CPEB3: variants seen among roughly 807,000 people sequenced by gnomAD.
CPEB3 encodes cytoplasmic polyadenylation element binding protein 3, also known as cytoplasmic polyadenylation element-binding protein 3.
A neutral mutation model predicts 67.2 loss-of-function variants in CPEB3; 20 were observed. That is an observed-to-expected ratio of 0.30 (90% confidence interval 0.21 to 0.43). The LOEUF is 0.43. Among genes scored for constraint, CPEB3 ranks in the 20% least tolerant of loss-of-function variants. The probability of loss-of-function intolerance (pLI) is 1.00; values close to 1 mark genes in which losing one functional copy is unlikely to be tolerated. For synonymous variants in CPEB3, 376 were observed against 393.1 expected, an observed-to-expected ratio of 0.96 and a Z score of 0.51; for missense variants, 746 against 968.6, an observed-to-expected ratio of 0.77 and a Z score of 3.05.
intron 2 of CPEB3, among the ~76,000 whole-genome samples, chr10:92,207,541 C>T (rs184091790): frequency 1.2e-4 from 18 of 152,116 alleles, no homozygotes; most frequent in Admixed American, 9.2e-4. Flanking sequence ...TAGGCTTTTG[C>T]GAGGAAGAAA....
chr10:92,236,411 T>C (rs1409558323), intron 2 of CPEB3, among the ~76,000 whole-genome samples: 1 of 152,140 alleles, frequency 6.6e-6, no homozygotes, highest in African/African-American at 2.4e-5. Context: ...TAAACTTTAT[T>C]AGAATAAAGA....
chr10:92,254,229 T>TAAA (rs61680875), intron 1 of CPEB3, among the ~76,000 whole-genome samples: 1 of 144,530 alleles, frequency 6.9e-6, no homozygotes, highest in African/African-American at 2.5e-5. Context: ...ACCCTGCCTT[T>TAAA]AAAAAAAAAA....
chr10:92,185,751 A>G (rs1232246177), intron 3 of CPEB3, among the ~76,000 whole-genome samples: 1 of 152,192 alleles, frequency 6.6e-6, no homozygotes, highest in African/African-American at 2.4e-5. Flanking sequence ...TAAAATGCAT[A>G]TTCTACTGGG....
At position 92,239,967 on chromosome 10, in the gene CPEB3, G is replaced by A. The variant is rs1192106953; in HGVS notation, c.384C>T (p.Thr128=). ...GGAAGAGCATGGTCCCGTTGACTGG[G>A]GTGATCCCCTGGAAGAAGCTGTCCT... The part of the protein sequence containing the change: ...AVEDSFFQGI[T]PVNGTMLFQN... Residue 128 remains threonine, a synonymous_variant, in exon 2 of 10, where the codon ACC becomes ACT. Transcript: ENST00000265997. The surrounding 1 kb of genome is among the most constrained non-coding windows in gnomAD (Gnocchi z 6.0). The A allele has an allele frequency of 1.2e-6, 2 of 1,613,248 alleles. No individual in the cohort carries two copies. Among genetic ancestry groups the A allele is most frequent in the South Asian group, 2.2e-5 (2 of 90,864 alleles).
chr10:92,145,485 C>T (rs541378826), intron 4 of CPEB3, among the ~76,000 whole-genome samples: 2 of 152,078 alleles, frequency 1.3e-5, no homozygotes, highest in Admixed American at 6.5e-5. Flanking sequence ...AAAAATTAGC[C>T]GGACATGGTG....
rs542001551 is a variant in CPEB3, at chr10:92,270,829, C to CA, written c.-12+20096dup. On this transcript the variant is annotated intron_variant, in intron 1 of 9. Coordinates refer to ENST00000265997, the MANE Select transcript of CPEB3 (RefSeq NM_014912.5). The stretch of plus-strand genomic sequence containing the variant: ...AAGTGATTCGCCCATCTTGGCCTTC[C>CA]AAGGTACTGGGATTACAGGCGTGCA... Among the ~76,000 whole-genome samples, 555 of 152,066 alleles carry CA rather than the reference C, an allele frequency of 3.6e-3. 3 individuals are homozygous for CA. The highest frequency in any genetic ancestry group is 0.01 in the Middle Eastern group (3 of 294).
chr10:92,072,676 G>T, intron 9 of CPEB3, among the ~76,000 whole-genome samples: 1 of 152,178 alleles, frequency 6.6e-6, no homozygotes, highest in East Asian at 1.9e-4. Context: ...TTGTTTGTTT[G>T]TTTGTTTTGT....
chr10:92,234,382 C>A lies in CPEB3; in HGVS notation c.1005+4964G>T, dbSNP rs1416468674. ...CTTCATGGTGGCATACTTACAGTCA[C>A]TGTATTTTTTTCTTTCTGCATTTCT... On this transcript the variant is annotated intron_variant, in intron 2 of 9. Coordinates refer to ENST00000265997, the MANE Select transcript of CPEB3 (RefSeq NM_014912.5). Among the ~76,000 whole-genome samples the A allele has an allele frequency of 2.0e-5, 3 of 152,166 alleles. 1 individual carries two copies. In the East Asian group the frequency reaches 5.8e-4, roughly 29 times the overall value.
chr10:92,138,672 G>A (rs1846237035), intron 6 of CPEB3, among the ~76,000 whole-genome samples: 1 of 152,102 alleles, frequency 6.6e-6, no homozygotes, highest in African/African-American at 2.4e-5. Flanking sequence ...AGTTAAAATG[G>A]TTTTTATCCA....
At chr10:92,216,910 G>A in intron 2 of CPEB3, 8 of 872,094 alleles carry the variant, frequency 9.2e-6, no homozygotes, top group South Asian at 1.5e-5. Flanking sequence ...CCCAAGGCAC[G>A]CCTTCTTACC....
At chr10:92,123,571 T>G (rs147093049) in intron 6 of CPEB3, among the ~76,000 whole-genome samples, 26 of 152,324 alleles carry the variant, frequency 1.7e-4, no homozygotes, top group Middle Eastern at 3.4e-3. Flanking sequence ...TAAATGCTGA[T>G]GCCCACATCT....
chr10:92,151,482 C>T (rs779422783), intron 4 of CPEB3, among the ~76,000 whole-genome samples: 21 of 152,148 alleles, frequency 1.4e-4, no homozygotes, highest in Admixed American at 3.3e-4. Flanking sequence ...AAAAACATTT[C>T]ACTTATGGTC....
intron 2 of CPEB3, among the ~76,000 whole-genome samples, chr10:92,197,981 C>T (rs1849321353): frequency 6.6e-6 from 1 of 152,172 alleles, no homozygotes; most frequent in East Asian, 1.9e-4. Context: ...TGGCACATGC[C>T]TGTAGCCCCA....
chr10:92,147,210 C>T (rs1307258611), intron 4 of CPEB3, among the ~76,000 whole-genome samples: 3 of 152,294 alleles, frequency 2.0e-5, no homozygotes, highest in African/African-American at 4.8e-5. Context: ...AGTCCCAGCA[C>T]TTTGGGAGGC....
At chr10:92,089,438 CATAACT>C (rs1384350188) in intron 8 of CPEB3, among the ~76,000 whole-genome samples, 1 of 152,078 alleles carries the variant, frequency 6.6e-6, no homozygotes, top group Admixed American at 6.5e-5. Context: ...TTACTATCCA[CATAACT>C]ATAAAAACAA....
chr10:92,169,385 C>T (rs567828988), intron 4 of CPEB3, among the ~76,000 whole-genome samples: 7 of 152,170 alleles, frequency 4.6e-5, no homozygotes, highest in East Asian at 1.9e-4. Context: ...GTGATCCACC[C>T]GCCTTGGCCT....
At chr10:92,219,561 G>A (rs1277831142) in intron 2 of CPEB3, among the ~76,000 whole-genome samples, 2 of 152,102 alleles carry the variant, frequency 1.3e-5, no homozygotes, top group Non-Finnish European at 2.9e-5. Flanking sequence ...CCTAAAAGCT[G>A]TTTTCTACTT....
intron 2 of CPEB3, among the ~76,000 whole-genome samples, chr10:92,203,543 G>T (rs1485023190): frequency 2.1e-5 from 3 of 144,162 alleles, no homozygotes; most frequent in Admixed American, 1.4e-4. Flanking sequence ...TTTTTTAGAG[G>T]TGTAGCTGGG....
chr10:92,127,327 G>GATA (rs1177650519), intron 6 of CPEB3, among the ~76,000 whole-genome samples: 1 of 152,016 alleles, frequency 6.6e-6, no homozygotes, highest in Non-Finnish European at 1.5e-5. Flanking sequence ...AGAAAAAGAG[G>GATA]ATACAGGGGC....
Sources: allele counts gnomAD v4.1 joint callset (sites outside exome capture counted in the v4.1 genomes callset), GRCh38; gene constraint gnomAD v4.1.1; non-coding constraint Gnocchi (gnomAD v3.1); transcripts MANE v1.5; gene names NCBI Gene and HGNC (gene_info 2026-07-23, HGNC 2026-07-21).